Variants in RGS6 observed in about 807,000 individuals in gnomAD.
RGS6 encodes the protein regulator of G-protein signaling 6.
In RGS6, 30 loss-of-function variants were observed where a neutral mutation model predicts 78.5. The observed-to-expected ratio is 0.38, with a 90% CI of 0.29 to 0.52. RGS6 has a LOEUF of 0.52. RGS6 is among the 20% of genes least tolerant of loss of function. The probability of loss-of-function intolerance (pLI) is 0.85; values close to 1 mark genes in which losing one functional copy is unlikely to be tolerated. For missense variants in RGS6, 495 were observed against 609.7 expected, an observed-to-expected ratio of 0.81 and a Z score of 1.98; for synonymous variants, 206 against 206.0, an observed-to-expected ratio of 1.00 and a Z score of 0.00.
At chr14:72,624,333 CTT>C in the RGS6 span, among the ~76,000 whole-genome samples, 403 of 97,792 alleles carry the variant, frequency 4.1e-3, 1 homozygote, top group Non-Finnish European at 5.5e-3. Flanking sequence ...ACCTATGTCT[CTT>C]TTTTTTTTTT....
At chr14:72,315,487 T>C (rs778526321) in intron 2 of RGS6, among the ~76,000 whole-genome samples, 53 of 152,346 alleles carry the variant, frequency 3.5e-4, no homozygotes, top group Middle Eastern at 3.4e-3. Flanking sequence ...AACTGAATAA[T>C]AGCTGCCCTG....
At chr14:71,999,821 A>G (rs1313084186) in intron 2 of RGS6, among the ~76,000 whole-genome samples, 1 of 114,216 alleles carries the variant, frequency 8.8e-6, no homozygotes, top group Non-Finnish European at 2.0e-5. Flanking sequence ...AGATGCTAGC[A>G]TCATGCTTCC....
At chr14:71,983,881 C>T (rs938209884) in intron 2 of RGS6, among the ~76,000 whole-genome samples, 10 of 152,298 alleles carry the variant, frequency 6.6e-5, no homozygotes, top group South Asian at 2.1e-4. Flanking sequence ...AGTTTATCAC[C>T]GCGTGAAGCT....
At chr14:72,096,556 G>A (rs2095412296) in intron 2 of RGS6, among the ~76,000 whole-genome samples, 1 of 152,136 alleles carries the variant, frequency 6.6e-6, no homozygotes. Flanking sequence ...ATGTCTTGCT[G>A]TGTACTCTAG....
chr14:72,629,809 A>G, the RGS6 span: 1 of 1,214,446 alleles, frequency 8.2e-7, no homozygotes, highest in African/African-American at 1.5e-5. Context: ...CTCACTGGAA[A>G]CACATTGATG....
intron 3 of RGS6, among the ~76,000 whole-genome samples, chr14:72,362,134 T>G (rs1261554999): frequency 6.6e-6 from 1 of 152,130 alleles, no homozygotes; most frequent in Non-Finnish European, 1.5e-5. Flanking sequence ...TCTAGAGTAG[T>G]CACAGACGAT....
At chr14:72,311,196 C>T (rs2068534344) in intron 2 of RGS6, among the ~76,000 whole-genome samples, 1 of 152,180 alleles carries the variant, frequency 6.6e-6, no homozygotes, top group Non-Finnish European at 1.5e-5. Context: ...CTTTGCTTCA[C>T]AAAATATTTT....
At chr14:72,613,030 GTA>G in the RGS6 span, among the ~76,000 whole-genome samples, 3 of 150,612 alleles carry the variant, frequency 2.0e-5, no homozygotes, top group Non-Finnish European at 3.0e-5. Context: ...GTGTGTGTGT[GTA>G]TGTGCGTGCG....
rs374239242 is a variant in RGS6 at position 72,381,664 on chromosome 14, C to T, written c.184+29470C>T. 1.2e-4 allele frequency among the ~76,000 whole-genome samples: 18 copies of T among 151,960 alleles called. No individual in the cohort carries two copies. The South Asian group carries it at 1.9e-3, about 16-fold the overall frequency. On this transcript the variant is annotated intron_variant, in intron 3 of 17. Coordinates refer to ENST00000553525, the MANE Select transcript of RGS6 (RefSeq NM_001204424.2). Reference sequence around the variant, plus strand: ...GAATGTATCACTACCCTATCTTTACCAAAGAAATGTCTACAAAATATATTT... The same window carrying T: ...GAATGTATCACTACCCTATCTTTACTAAAGAAATGTCTACAAAATATATTT...
intron 1 of RGS6, among the ~76,000 whole-genome samples, chr14:71,945,258 A>G (rs1327920248): frequency 1.3e-5 from 2 of 152,158 alleles, no homozygotes; most frequent in African/African-American, 2.4e-5. Context: ...ATGTACTTAT[A>G]TATTGTCTGT....
chr14:72,451,104 C>T (rs1232311191), intron 3 of RGS6, among the ~76,000 whole-genome samples: 2 of 152,142 alleles, frequency 1.3e-5, no homozygotes, highest in Non-Finnish European at 2.9e-5. Context: ...TGGAGTCTAC[C>T]AAGCATTGCC....
At chr14:72,187,603 G>C (rs2097264451) in intron 2 of RGS6, among the ~76,000 whole-genome samples, 1 of 151,976 alleles carries the variant, frequency 6.6e-6, no homozygotes, top group Admixed American at 6.6e-5. Context: ...GCATGAAGGA[G>C]GACACCCTGA....
the RGS6 span, among the ~76,000 whole-genome samples, chr14:72,606,963 C>T: frequency 6.6e-6 from 1 of 152,202 alleles, no homozygotes; most frequent in Non-Finnish European, 1.5e-5. Context: ...TGGTGCCATG[C>T]TTCTTGTATA....
chr14:72,045,662 G>A (rs2092774530), intron 2 of RGS6, among the ~76,000 whole-genome samples: 1 of 151,810 alleles, frequency 6.6e-6, no homozygotes, highest in Non-Finnish European at 1.5e-5. Context: ...TTGCATTCAT[G>A]GCCTATGACC....
chr14:72,423,844 A>G (rs2094318903), intron 3 of RGS6, among the ~76,000 whole-genome samples: 2 of 152,194 alleles, frequency 1.3e-5, no homozygotes, highest in South Asian at 4.2e-4. Context: ...CAAAATATTC[A>G]TTCCCAAATC....
At chr14:72,598,989 AGT>A in the RGS6 span, among the ~76,000 whole-genome samples, 1 of 151,862 alleles carries the variant, frequency 6.6e-6, no homozygotes, top group Non-Finnish European at 1.5e-5. Context: ...TGGGAGACCC[AGT>A]GCAGCCACGG....
At position 72,396,680 on chromosome 14, in the gene RGS6, C is replaced by G. The variant is rs534908938; in HGVS notation, c.184+44486C>G. Among the ~76,000 whole-genome samples the G allele has an allele frequency of 6.3e-3, 952 of 152,234 alleles. 10 individuals carry two copies. The highest frequency in any genetic ancestry group is 0.022 in the African/African-American group (914 of 41,530). ...TTGTAGGGTTTTTATGGTTTTAGGT[C>G]TAACATGTAAGTCTTTAATCCATCT... On this transcript the variant is annotated intron_variant, in intron 3 of 17. Transcript: ENST00000553525.
chr14:72,626,901 A>G, the RGS6 span, among the ~76,000 whole-genome samples: 2 of 150,380 alleles, frequency 1.3e-5, no homozygotes, highest in Non-Finnish European at 3.0e-5. Flanking sequence ...CTCAGCTTTG[A>G]GTTTCTTTGT....
chr14:71,893,233 A>C, the RGS6 span, among the ~76,000 whole-genome samples: 1 of 152,238 alleles, frequency 6.6e-6, no homozygotes. Flanking sequence ...TCTGACTTGC[A>C]TTAGAGGGTT....
Sources: gnomAD v4.1 joint callset for allele counts (sites outside exome capture counted in the v4.1 genomes callset) on GRCh38, gnomAD v4.1.1 for gene constraint, MANE v1.5 for transcripts, NCBI Gene and HGNC (gene_info 2026-07-23, HGNC 2026-07-21) for gene names.